AKAP6: variants seen among roughly 807,000 people sequenced by gnomAD.
AKAP6 encodes A-kinase anchor protein 6.
Under a neutral mutation model 188.5 loss-of-function variants are expected in AKAP6, and 58 were observed. That is an observed-to-expected ratio of 0.31 (90% CI 0.25 to 0.38). The LOEUF (loss-of-function observed/expected upper bound fraction) is 0.38, where lower values mean the gene tolerates loss of function less well. AKAP6 is among the 10% of genes least tolerant of loss of function. AKAP6 has a pLI of 1.00. For missense variants in AKAP6, 2,710 were observed against 2,740.0 expected (o/e 0.99, Z 0.24); for synonymous variants, 989 against 998.6 (o/e 0.99, Z 0.18).
At chr14:32,414,189 AT>A (rs969910605) in intron 1 of AKAP6, among the ~76,000 whole-genome samples, 2 of 152,024 alleles carry the variant, frequency 1.3e-5, no homozygotes, top group African/African-American at 4.8e-5. Flanking sequence ...CTTGCTTTTG[AT>A]TTCATAAGGT....
chr14:32,347,995 C>T (rs1281878516), intron 1 of AKAP6, among the ~76,000 whole-genome samples: 1 of 152,102 alleles, frequency 6.6e-6, no homozygotes, highest in Non-Finnish European at 1.5e-5. Context: ...TTTTCTAGGC[C>T]CTGAGGGACA....
At chr14:32,785,905 A>G (rs2033386451) in intron 12 of AKAP6, among the ~76,000 whole-genome samples, 1 of 152,226 alleles carries the variant, frequency 6.6e-6, no homozygotes, top group African/African-American at 2.4e-5. Context: ...GATTTAAAAA[A>G]AAACTGGTGA....
chr14:32,823,205 A>G lies in AKAP6; in HGVS notation c.5392A>G (p.Ile1798Val), dbSNP rs764059329. 2 of 1,613,828 alleles carry G rather than the reference A, an allele frequency of 1.2e-6. No individual in the cohort carries two copies. Among genetic ancestry groups the G allele is most frequent in the Non-Finnish European group, 1.7e-6 (2 of 1,179,896 alleles). ...CACCTTGATGTCAGGGCTAGACTAC[A>G]TAAAGAATGAATTACAGACCTGGAT... ...DCTLMSGLDYIKNELQTWIRP... is the reference protein window; with the variant it reads ...DCTLMSGLDYVKNELQTWIRP... Residue 1798 changes from isoleucine to valine, a missense_variant, in exon 13 of 14, where the codon ATA becomes GTA. Physicochemically the swap from Ile to Val is conservative, Grantham distance 29. Around this residue, in one of 2 missense-constraint regions of AKAP6, gnomAD observed 2,473 missense variants for 2,426.1 expected, o/e 1.02. Transcript: ENST00000280979.
chr14:32,732,394 A>G (rs1434639241), intron 9 of AKAP6, 60 bp from the exon 10 acceptor site: 1 of 1,540,440 alleles, frequency 6.5e-7, no homozygotes, highest in African/African-American at 1.4e-5. Context: ...TTCTGTGTTC[A>G]ATGATTTTCT....
At position 32,823,743 on chromosome 14, in the gene AKAP6, C is replaced by G. The variant is rs1329424470; in HGVS notation, c.5930C>G (p.Ser1977Cys). ...CATTTTGAAAATCAAAGCACTGCCT[C>G]TACTCCCACTGAGAAGTCTTTCTCA... The part of the protein sequence containing the change: ...HHHFENQSTA[S>C]TPTEKSFSEL... The change falls in exon 13 of 14, where the codon TCT (serine) becomes TGT (cysteine). Residue 1977 changes from serine (S) to cysteine (C), a missense_variant. Ser to Cys is a moderately radical substitution (Grantham distance 112). Transcript: ENST00000280979. 6 of 1,613,572 alleles carry G rather than the reference C, an allele frequency of 3.7e-6. No homozygotes were observed. The African/African-American group carries it at 5.3e-5, about 14-fold the overall frequency.
intron 2 of AKAP6, among the ~76,000 whole-genome samples, chr14:32,492,355 T>TATATATATAGAGAGAGAG: frequency 0.012 from 987 of 82,540 alleles, 20 homozygotes; most frequent in Admixed American, 0.026. Flanking sequence ...TATATATATA[T>TATATATATAGAGAGAGAG]AGAGAGAGAG....
chr14:32,467,256 A>G (rs1408510186), intron 2 of AKAP6, among the ~76,000 whole-genome samples: 1 of 152,028 alleles, frequency 6.6e-6, no homozygotes, highest in Non-Finnish European at 1.5e-5. Context: ...TCTTTTAGCA[A>G]TATGTACTGA....
chr14:32,820,988 T>A (rs1294914690), intron 12 of AKAP6, among the ~76,000 whole-genome samples: 1 of 151,892 alleles, frequency 6.6e-6, no homozygotes, highest in Non-Finnish European at 1.5e-5. Flanking sequence ...GATAGTATTC[T>A]ACTATGGACT....
chr14:32,762,872 A>G (rs1342757940), intron 11 of AKAP6, among the ~76,000 whole-genome samples: 4 of 152,116 alleles, frequency 2.6e-5, no homozygotes, highest in Non-Finnish European at 2.9e-5. Context: ...TCAAAAGGTC[A>G]GTTCAATAAG....
Position 32,830,233 on chromosome 14 carries a change from C to A in AKAP6, c.*428C>A. 2.7e-6 allele frequency: 1 copy of A among 369,524 alleles called. No homozygotes were observed. The highest frequency in any genetic ancestry group is 4.8e-6 in the Non-Finnish European group (1 of 207,044). 22.9% of individuals were successfully genotyped at this position (369,524 alleles called of 1,614,324 possible). On this transcript the variant is annotated 3_prime_UTR_variant, in exon 14 of 14. Transcript: ENST00000280979. Reference sequence around the variant, plus strand: ...CCCCCCACCAGTACTTGACCAATTTCATGTATCAATCTGGATTTTTTTTTA... The same window carrying A: ...CCCCCCACCAGTACTTGACCAATTTAATGTATCAATCTGGATTTTTTTTTA...
At chr14:32,329,622 G>T (rs973217668) in intron 1 of AKAP6, among the ~76,000 whole-genome samples, 1 of 152,082 alleles carries the variant, frequency 6.6e-6, no homozygotes, top group Admixed American at 6.6e-5. Flanking sequence ...TCTTGCTCCA[G>T]CTCTGTCTGT....
At chr14:32,742,872 T>C (rs958674473) in intron 11 of AKAP6, among the ~76,000 whole-genome samples, 1 of 152,188 alleles carries the variant, frequency 6.6e-6, no homozygotes, top group Non-Finnish European at 1.5e-5. Flanking sequence ...TCTGAAAATA[T>C]CTATTAGATC....
At chr14:32,444,992 C>T (rs1890712497) in intron 2 of AKAP6, among the ~76,000 whole-genome samples, 1 of 152,150 alleles carries the variant, frequency 6.6e-6, no homozygotes, top group Non-Finnish European at 1.5e-5. Context: ...TATCTATGCT[C>T]CTATCTTGGA....
intron 2 of AKAP6, 69 bp downstream of exon 2, chr14:32,433,886 T>G (rs955922682): frequency 7.6e-6 from 11 of 1,441,722 alleles, no homozygotes; most frequent in Non-Finnish European, 8.5e-6. Flanking sequence ...GAGACTGTGT[T>G]CTGTAATTTC....
intron 1 of AKAP6, among the ~76,000 whole-genome samples, chr14:32,400,014 T>C (rs978875371): frequency 2.6e-5 from 4 of 152,110 alleles, no homozygotes; most frequent in African/African-American, 9.7e-5. Context: ...CTTCTTCTTT[T>C]CTTCCACCAG....
At chr14:32,679,751 T>G (rs1889594924) in intron 8 of AKAP6, among the ~76,000 whole-genome samples, 1 of 152,218 alleles carries the variant, frequency 6.6e-6, no homozygotes, top group African/African-American at 2.4e-5. Flanking sequence ...TTTACCTATT[T>G]CTATAACTTG....
At chr14:32,456,062 A>T (rs1891137720) in intron 2 of AKAP6, among the ~76,000 whole-genome samples, 1 of 152,126 alleles carries the variant, frequency 6.6e-6, no homozygotes, top group African/African-American at 2.4e-5. Context: ...AGAGGAGCAT[A>T]TGTAGTAAAG....
Position 32,344,915 on chromosome 14 carries a change from TAA to T in AKAP6, c.-35+15528_-35+15529del, listed in dbSNP as rs11297648. Among the ~76,000 whole-genome samples the T allele has an allele frequency of 4.8e-3, 508 of 105,406 alleles. 1 individual carries two copies. The highest frequency in any genetic ancestry group is 0.015 in the African/African-American group (401 of 26,664). 69.2% of individuals were successfully genotyped at this position (105,406 alleles called of 152,430 possible). A position where few individuals can be genotyped will look rare whatever the true frequency, so the allele number is the denominator to read the frequency against. On this transcript the variant is annotated intron_variant, in intron 1 of 13. Coordinates refer to ENST00000280979, the MANE Select transcript of AKAP6 (RefSeq NM_004274.5). ...TGGGCAACAGAGTGAGACTCTGTCT[TAA>T]AAAAAAAAAAAAAAAAAAAAGAGAG...
chr14:32,605,165 T>C (rs1486255397), intron 7 of AKAP6, among the ~76,000 whole-genome samples: 1 of 152,080 alleles, frequency 6.6e-6, no homozygotes, highest in Non-Finnish European at 1.5e-5. Context: ...TTATAAATAA[T>C]AGACAAATAT....
Sources: allele counts gnomAD v4.1 joint callset (sites outside exome capture counted in the v4.1 genomes callset), GRCh38; gene constraint gnomAD v4.1.1; regional missense constraint gnomAD v4.1.1; transcripts MANE v1.5; gene names NCBI Gene and HGNC (gene_info 2026-07-23, HGNC 2026-07-21).